ZCCHC7: variants seen among roughly 807,000 people sequenced by gnomAD.
ZCCHC7 encodes the protein zinc finger CCHC-type containing 7, also known as zinc finger CCHC domain-containing protein 7.
A neutral mutation model predicts 52.0 loss-of-function variants in ZCCHC7; 35 were observed. That is an observed-to-expected ratio of 0.67 (90% CI 0.51 to 0.89). ZCCHC7 has a LOEUF of 0.89. ZCCHC7 is among the 40% of genes least tolerant of loss of function. ZCCHC7 has a pLI of 0.00. For synonymous variants in ZCCHC7, 217 were observed against 221.5 expected (o/e 0.98, Z 0.18); for missense variants, 574 against 649.1 (o/e 0.88, Z 1.26).
intron 2 of ZCCHC7, among the ~76,000 whole-genome samples, chr9:37,196,793 T>A (rs1199464137): frequency 2.0e-5 from 3 of 152,172 alleles, no homozygotes; most frequent in African/African-American, 4.8e-5. Context: ...TATTTTAATG[T>A]CGTTTGAGGA....
In ZCCHC7 at chr9:37,341,606, T is replaced by C. The variant is rs188924817; in HGVS notation, c.988-7751T>C. ...ATATGATAAGTGCCATGTTGAGTTTTGTTTGGTTGGTTGGTTGGTTGGTTG... is the reference window on the plus strand; with the variant it reads ...ATATGATAAGTGCCATGTTGAGTTTCGTTTGGTTGGTTGGTTGGTTGGTTG... On this transcript the variant is annotated intron_variant, in intron 6 of 8. Transcript: ENST00000336755. Among the ~76,000 whole-genome samples, 5 of 152,234 alleles carry C rather than the reference T, an allele frequency of 3.3e-5. No homozygotes were observed. In the East Asian group the frequency reaches 9.6e-4, roughly 29 times the overall value.
rs530085657 is a variant in ZCCHC7, at chr9:37,339,298, G to T, written c.988-10059G>T. On this transcript the variant is annotated intron_variant, in intron 6 of 8. Transcript: ENST00000336755. ...ATATTTGCCAGAACAGTGTACAAAT[G>T]GAAGACTTTGTCCAAAACCTCAGTT... Among the ~76,000 whole-genome samples the T allele has an allele frequency of 3.9e-5, 6 of 152,264 alleles. No homozygotes were observed. In the South Asian group the frequency reaches 1.2e-3, roughly 32 times the overall value.
At chr9:37,312,057 C>G (rs1039763268) in intron 5 of ZCCHC7, among the ~76,000 whole-genome samples, 3 of 152,148 alleles carry the variant, frequency 2.0e-5, no homozygotes, top group Admixed American at 1.3e-4. Context: ...TTAGTGTACT[C>G]CAAGGAGCAC....
intron 2 of ZCCHC7, among the ~76,000 whole-genome samples, chr9:37,257,642 G>A (rs760756631): frequency 6.7e-6 from 1 of 148,440 alleles, no homozygotes; most frequent in Non-Finnish European, 1.5e-5. Flanking sequence ...TAGTTTTAAT[G>A]TCTAGTATGG....
intron 2 of ZCCHC7, among the ~76,000 whole-genome samples, chr9:37,130,754 C>T (rs1175171009): frequency 6.6e-6 from 1 of 151,632 alleles, no homozygotes; most frequent in East Asian, 2.0e-4. Flanking sequence ...CCTCGGCCTC[C>T]CAAAGTGCTG....
In ZCCHC7 at chr9:37,304,251, AAC is replaced by A; in HGVS notation, c.720_721del (p.Ile241TyrfsTer3). On this transcript the variant is annotated frameshift_variant, in exon 4 of 9. Coordinates refer to ENST00000336755, the MANE Select transcript of ZCCHC7 (RefSeq NM_032226.3). LOFTEE classifies it high-confidence loss of function. ...CCAGCGGTACTATTCAGCCAACAAA[AAC>A]ATTATCTGTAGAAATTGTGACAAAC... is the stretch of plus-strand genomic sequence containing the variant. ...WTQRYYSANK[N>X]IICRNCDKRG... is the part of the protein sequence containing the mutation. 6.2e-7 allele frequency: 1 copy of A among 1,614,112 alleles called. No individual in the cohort carries two copies. The highest frequency in any genetic ancestry group is 8.5e-7 in the Non-Finnish European group (1 of 1,179,974).
At chr9:37,180,640 G>A (rs1300337479) in intron 2 of ZCCHC7, among the ~76,000 whole-genome samples, 1 of 152,034 alleles carries the variant, frequency 6.6e-6, no homozygotes, top group Non-Finnish European at 1.5e-5. Flanking sequence ...TTGTTATAAA[G>A]CAAACATAAA....
chr9:37,308,077 A>G lies in ZCCHC7; in HGVS notation c.951+2363A>G, dbSNP rs1271480299. 2.6e-5 allele frequency among the ~76,000 whole-genome samples: 4 copies of G among 152,268 alleles called. No homozygotes were observed. In the East Asian group the frequency reaches 7.7e-4, roughly 29 times the overall value. The stretch of plus-strand genomic sequence containing the variant: ...TTTTGGCTGGTCAGACCAAAAAATG[A>G]TATTTTATTGTTTTAATTTGTATTT... On this transcript the variant is annotated intron_variant, in intron 5 of 8. Transcript: ENST00000336755.
chr9:37,315,068 C>T (rs1829754401), intron 5 of ZCCHC7, among the ~76,000 whole-genome samples: 1 of 151,010 alleles, frequency 6.6e-6, no homozygotes, highest in Non-Finnish European at 1.5e-5. Flanking sequence ...AAGGTACACA[C>T]AGTTCGTCTT....
chr9:37,287,437 C>T (rs1296431276), intron 2 of ZCCHC7, among the ~76,000 whole-genome samples: 1 of 152,040 alleles, frequency 6.6e-6, no homozygotes, highest in Non-Finnish European at 1.5e-5. Context: ...CTGGCAATCT[C>T]AACTTCAAAT....
chr9:37,197,687 A>G (rs1823359665), intron 2 of ZCCHC7, among the ~76,000 whole-genome samples: 2 of 152,320 alleles, frequency 1.3e-5, no homozygotes, highest in African/African-American at 2.4e-5. Context: ...TTTATTTCCT[A>G]TGCAGGAGTC....
chr9:37,199,475 G>A (rs1823480721), intron 2 of ZCCHC7, among the ~76,000 whole-genome samples: 1 of 150,832 alleles, frequency 6.6e-6, no homozygotes, highest in South Asian at 2.1e-4. Flanking sequence ...GGGATTATAG[G>A]CATACACCAC....
At chr9:37,327,569 A>G in intron 5 of ZCCHC7, 1 of 443,362 alleles carries the variant, frequency 2.3e-6, no homozygotes, top group East Asian at 3.3e-5. Context: ...AAAGAAAAAG[A>G]GAGAAAACTT....
intron 2 of ZCCHC7, among the ~76,000 whole-genome samples, chr9:37,153,075 A>G (rs1242119489): frequency 6.6e-6 from 1 of 152,028 alleles, no homozygotes; most frequent in African/African-American, 2.4e-5. Context: ...GAGTGCTTTC[A>G]GTTGGCTCCT....
rs74182939 is a variant in ZCCHC7, at chr9:37,278,034, G to GTGTGTGTTTTGTTTTGTTTTGTTTTGTTT, written c.611-24151_611-24150insGTGTTTTGTTTTGTTTTGTTTTGTTTTGT. The stretch of plus-strand genomic sequence containing the variant: ...TTTGTTTGTGTGTGTGTGTGTGTGT[G>GTGTGTGTTTTGTTTTGTTTTGTTTTGTTT]TGTTTTGTTTTGTTTTGTTTTGTTT... On this transcript the variant is annotated intron_variant, in intron 2 of 8. Transcript: ENST00000336755. Among the ~76,000 whole-genome samples the GTGTGTGTTTTGTTTTGTTTTGTTTTGTTT allele has an allele frequency of 3.4e-3, 484 of 142,948 alleles. 1 individual carries two copies. Among genetic ancestry groups the GTGTGTGTTTTGTTTTGTTTTGTTTTGTTT allele is most frequent in the Non-Finnish European group, 5.3e-3 (347 of 65,626 alleles). The allele number at this position is 142,948 out of a possible 152,430, so 93.8% of individuals were successfully genotyped here. A position where few individuals can be genotyped will look rare whatever the true frequency, so the allele number is the denominator to read the frequency against.
intron 2 of ZCCHC7, among the ~76,000 whole-genome samples, chr9:37,218,727 T>G (rs1292109237): frequency 6.6e-6 from 1 of 152,146 alleles, no homozygotes; most frequent in East Asian, 1.9e-4. Context: ...GAGAATCGCT[T>G]GAACCTGGGA....
intron 5 of ZCCHC7, among the ~76,000 whole-genome samples, chr9:37,319,579 C>T (rs933073029): frequency 6.6e-6 from 1 of 152,084 alleles, no homozygotes; most frequent in Admixed American, 6.6e-5. Flanking sequence ...AGGCACGTGG[C>T]ACCATGCTCG....
At chr9:37,195,010 G>A (rs763788644) in intron 2 of ZCCHC7, among the ~76,000 whole-genome samples, 11 of 143,156 alleles carry the variant, frequency 7.7e-5, no homozygotes, top group Non-Finnish European at 1.1e-4. Flanking sequence ...GCAGTGGTGT[G>A]ATCTCGGCTC....
chr9:37,253,464 C>T (rs1826427934), intron 2 of ZCCHC7, among the ~76,000 whole-genome samples: 2 of 151,892 alleles, frequency 1.3e-5, no homozygotes, highest in South Asian at 4.1e-4. Flanking sequence ...TTTTATTTTA[C>T]CGATCCACTT....
Sources: allele counts gnomAD v4.1 joint callset (sites outside exome capture counted in the v4.1 genomes callset), GRCh38; gene constraint gnomAD v4.1.1; transcripts MANE v1.5; gene names NCBI Gene and HGNC (gene_info 2026-07-23, HGNC 2026-07-21).